Variants in STX8 observed in about 807,000 individuals in gnomAD.
STX8 encodes the protein syntaxin-8.
In STX8, 23 loss-of-function variants were observed where a neutral mutation model predicts 37.5. The ratio of observed to expected loss-of-function variants is 0.61; its 90% CI spans 0.44 to 0.87. The LOEUF (loss-of-function observed/expected upper bound fraction) is 0.87. Among genes scored for constraint, STX8 ranks in the 40% least tolerant of loss-of-function variants. The pLI, the probability that STX8 is intolerant of heterozygous loss-of-function variation, is 0.00. For missense variants in STX8, 313 were observed against 284.7 expected (o/e 1.10, Z -0.71); for synonymous variants, 115 against 99.1 (o/e 1.16, Z -0.95).
chr17:9,390,263 T>C (rs1437501077), intron 6 of STX8, among the ~76,000 whole-genome samples: 1 of 152,190 alleles, frequency 6.6e-6, no homozygotes, highest in Non-Finnish European at 1.5e-5. Flanking sequence ...GGCTCAGGCC[T>C]GTAATCCCAG....
intron 7 of STX8, among the ~76,000 whole-genome samples, chr17:9,319,172 G>C (rs1480672028): frequency 6.6e-6 from 1 of 152,154 alleles, no homozygotes; most frequent in Non-Finnish European, 1.5e-5. Context: ...AAAATCCCAG[G>C]ACTTTGGGAG....
intron 7 of STX8, among the ~76,000 whole-genome samples, chr17:9,322,181 A>G (rs1909597921): frequency 6.6e-6 from 1 of 152,230 alleles, no homozygotes. Context: ...GCATGATGTG[A>G]AGGATGGAGG....
In STX8 at chr17:9,504,702, C is replaced by A. The variant is rs373459920; in HGVS notation, c.448+336G>T. On this transcript the variant is annotated intron_variant, in intron 5 of 7. Coordinates refer to ENST00000306357, the MANE Select transcript of STX8 (RefSeq NM_004853.3). Reference sequence around the variant, plus strand: ...CAGTAGAAAATCTGGTGGCCGGGCACGGTGGCTCACACCTGTAATCCCAGC... The same window carrying A: ...CAGTAGAAAATCTGGTGGCCGGGCAAGGTGGCTCACACCTGTAATCCCAGC... Among the ~76,000 whole-genome samples, 3 of 152,106 alleles carry A rather than the reference C, an allele frequency of 2.0e-5. No individual in the cohort carries two copies. The South Asian group carries it at 6.3e-4, about 32-fold the overall frequency.
intron 7 of STX8, among the ~76,000 whole-genome samples, chr17:9,300,169 T>C (rs991024961): frequency 1.3e-5 from 2 of 151,750 alleles, no homozygotes; most frequent in African/African-American, 4.8e-5. Context: ...TCGTCTCTAC[T>C]GAAAATACAA....
At chr17:9,451,790 C>CAGAG (rs34073862) in intron 6 of STX8, among the ~76,000 whole-genome samples, 12 of 149,770 alleles carry the variant, frequency 8.0e-5, no homozygotes, top group Admixed American at 4.7e-4. Context: ...TACATATATA[C>CAGAG]AGAGAGAGAG....
intron 7 of STX8, among the ~76,000 whole-genome samples, chr17:9,349,741 CTCT>C (rs1910647208): frequency 6.6e-6 from 1 of 152,108 alleles, no homozygotes; most frequent in Non-Finnish European, 1.5e-5. Context: ...CTCTCTCTCT[CTCT>C]CTCTCTCAAC....
intron 6 of STX8, among the ~76,000 whole-genome samples, chr17:9,416,030 G>A (rs1181217277): frequency 6.6e-6 from 1 of 151,990 alleles, no homozygotes; most frequent in Non-Finnish European, 1.5e-5. Context: ...ACCCCACTTG[G>A]GCCACTCCAG....
In STX8 at chr17:9,507,168, C is replaced by T. The variant is rs1904868516; in HGVS notation, c.324-2006G>A. 6.6e-6 allele frequency among the ~76,000 whole-genome samples: 1 copy of T among 152,042 alleles called. No individual in the cohort carries two copies. The highest frequency in any genetic ancestry group is 1.5e-5 in the Non-Finnish European group (1 of 67,990). The stretch of plus-strand genomic sequence containing the variant: ...GCTCCTGCATCCCGGATCTATGAAA[C>T]AGTCGGGCAGTGCAGCCCCCTACAG... On this transcript the variant is annotated intron_variant, in intron 4 of 7. Coordinates refer to ENST00000306357, the MANE Select transcript of STX8 (RefSeq NM_004853.3). This position sits in a 1 kb window ranked among gnomAD's most constrained non-coding sequence, Gnocchi z 4.0.
intron 6 of STX8, among the ~76,000 whole-genome samples, chr17:9,418,270 G>A (rs752734707): frequency 3.9e-5 from 6 of 152,084 alleles, no homozygotes; most frequent in Non-Finnish European, 7.4e-5. Context: ...GTTGTCAGGA[G>A]GGAAAAACCT....
At chr17:9,472,402 G>C (rs1905910400) in intron 6 of STX8, among the ~76,000 whole-genome samples, 1 of 152,176 alleles carries the variant, frequency 6.6e-6, no homozygotes, top group Non-Finnish European at 1.5e-5. Flanking sequence ...AATCCTTTGA[G>C]TCCTCCTAGC....
intron 7 of STX8, among the ~76,000 whole-genome samples, chr17:9,256,277 G>A (rs1906794255): frequency 6.6e-6 from 1 of 152,212 alleles, no homozygotes; most frequent in South Asian, 2.1e-4. Flanking sequence ...TGGAGCTTGA[G>A]TGGAGGCATC....
chr17:9,387,094 TC>T (rs1337723508), intron 6 of STX8, among the ~76,000 whole-genome samples: 2 of 152,136 alleles, frequency 1.3e-5, no homozygotes, highest in East Asian at 3.9e-4. Flanking sequence ...CTTGGTCTTC[TC>T]CTCTAGGTTA....
intron 2 of STX8, among the ~76,000 whole-genome samples, chr17:9,561,874 T>C (rs562608857): frequency 6.6e-6 from 1 of 152,162 alleles, no homozygotes; most frequent in South Asian, 2.1e-4. Flanking sequence ...AAGAATTTAT[T>C]TCAACATGGG....
At chr17:9,316,643 A>G (rs1297757776) in intron 7 of STX8, among the ~76,000 whole-genome samples, 1 of 152,160 alleles carries the variant, frequency 6.6e-6, no homozygotes, top group Non-Finnish European at 1.5e-5. Context: ...CTGCCTGTTC[A>G]TTGTATCCTT....
chr17:9,482,836 C>T (rs1906401229), intron 6 of STX8, among the ~76,000 whole-genome samples: 2 of 152,130 alleles, frequency 1.3e-5, no homozygotes, highest in African/African-American at 4.8e-5. Context: ...ATGGGTTGAA[C>T]CCGGGAGGCG....
intron 7 of STX8, among the ~76,000 whole-genome samples, chr17:9,279,357 G>A (rs1907798453): frequency 6.6e-6 from 1 of 152,064 alleles, no homozygotes; most frequent in Non-Finnish European, 1.5e-5. Flanking sequence ...CCAGTGTTGG[G>A]ATTATAGGCG....
At position 9,410,706 on chromosome 17, in the gene STX8, T is replaced by A. The variant is rs144058616; in HGVS notation, c.542-32053A>T. On this transcript the variant is annotated intron_variant, in intron 6 of 7. Transcript: ENST00000306357. Reference sequence around the variant, plus strand: ...TGTTGACAAGCAAACACTCTAATGTTTACGTTTCAACTTGACAAAAGAAAT... The same window carrying A: ...TGTTGACAAGCAAACACTCTAATGTATACGTTTCAACTTGACAAAAGAAAT... Among the ~76,000 whole-genome samples the A allele has an allele frequency of 7.9e-5, 12 of 152,348 alleles. No individual in the cohort carries two copies. The East Asian group carries it at 2.3e-3, about 29-fold the overall frequency.
At chr17:9,518,709 A>G (rs1905228328) in intron 4 of STX8, among the ~76,000 whole-genome samples, 1 of 152,092 alleles carries the variant, frequency 6.6e-6, no homozygotes, top group South Asian at 2.1e-4. Flanking sequence ...TCTACTAAAA[A>G]TACAAAAAAT....
intron 3 of STX8, among the ~76,000 whole-genome samples, chr17:9,546,872 C>G (rs1014858361): frequency 6.5e-5 from 9 of 138,386 alleles, no homozygotes; most frequent in Non-Finnish European, 1.6e-5. Context: ...GCTGGGATTA[C>G]AGGTGTGAGC....
Sources: gnomAD v4.1 joint callset for allele counts (sites outside exome capture counted in the v4.1 genomes callset) on GRCh38, gnomAD v4.1.1 for gene constraint, Gnocchi (gnomAD v3.1) non-coding constraint, MANE v1.5 for transcripts, NCBI Gene and HGNC (gene_info 2026-07-23, HGNC 2026-07-21) for gene names.